The following IMMT variants were observed in gnomAD, a reference collection of about 807,000 sequenced individuals.
IMMT encodes inner membrane mitochondrial protein.
IMMT carries 40 observed loss-of-function variants against 92.7 expected under a neutral mutation model. The ratio of observed to expected loss-of-function variants is 0.43; its 90% confidence interval spans 0.34 to 0.56. The LOEUF (loss-of-function observed/expected upper bound fraction) is 0.56, where lower values mean the gene tolerates loss of function less well. Among genes scored for constraint, IMMT ranks in the 20% least tolerant of loss-of-function variants. The pLI is 0.03. For missense variants in IMMT, 831 were observed against 912.1 expected, an observed-to-expected ratio of 0.91 and a Z score of 1.14; for synonymous variants, 322 against 336.1, an observed-to-expected ratio of 0.96 and a Z score of 0.46.
intron 10 of IMMT, among the ~76,000 whole-genome samples, chr2:86,156,547 T>C (rs1053635385): frequency 1.6e-4 from 24 of 147,160 alleles, no homozygotes; most frequent in Non-Finnish European, 3.3e-4. Context: ...TGAGCCAAGA[T>C]TGCACCACTG....
At chr2:86,168,457 T>C (rs1676870263) in intron 6 of IMMT, among the ~76,000 whole-genome samples, 1 of 152,108 alleles carries the variant, frequency 6.6e-6, no homozygotes. Flanking sequence ...ACCCCGTCTC[T>C]ACTAAAAATA....
chr2:86,147,666 AAG>A, intron 13 of IMMT, 34 bp downstream of exon 13: 1 of 1,592,634 alleles, frequency 6.3e-7, no homozygotes, highest in Non-Finnish European at 8.6e-7. Context: ...TCCTGTCAGG[AAG>A]AGGGGTGTGG....
intron 6 of IMMT, among the ~76,000 whole-genome samples, chr2:86,169,615 C>A (rs535088693): frequency 6.6e-6 from 1 of 152,162 alleles, no homozygotes; most frequent in African/African-American, 2.4e-5. Context: ...GAGACATCAA[C>A]ATATTATAGC....
chr2:86,162,494 T>C (rs1238930860), intron 7 of IMMT, among the ~76,000 whole-genome samples: 1 of 151,988 alleles, frequency 6.6e-6, no homozygotes, highest in African/African-American at 2.4e-5. Flanking sequence ...ATAAGTCAAC[T>C]ATTGTCAAAA....
At chr2:86,170,684 T>C (rs775990393) in intron 6 of IMMT, 65 bp downstream of exon 6, 10 of 1,049,520 alleles carry the variant, frequency 9.5e-6, no homozygotes, top group South Asian at 2.8e-5. Context: ...CTTGTGCTGA[T>C]AGTTTAAGAA....
chr2:86,168,386 G>A (rs1328654006), intron 6 of IMMT, among the ~76,000 whole-genome samples: 1 of 152,180 alleles, frequency 6.6e-6, no homozygotes, highest in Non-Finnish European at 1.5e-5. Context: ...ACTTTGGGAG[G>A]CCGAGGCAGG....
chr2:86,165,178 C>T (rs1209362898), intron 7 of IMMT, among the ~76,000 whole-genome samples: 1 of 152,210 alleles, frequency 6.6e-6, no homozygotes, highest in Non-Finnish European at 1.5e-5. Flanking sequence ...TGAAATACCA[C>T]CTTGTGTACC....
At chr2:86,144,934 A>G in intron 14 of IMMT, 53 bp from the exon 15 acceptor site, 3 of 1,534,590 alleles carry the variant, frequency 2.0e-6, no homozygotes, top group Admixed American at 2.0e-5. Context: ...CTGACAACAT[A>G]CATCCACAGA....
intron 4 of IMMT, 21 bp from the exon 5 acceptor site, chr2:86,171,366 T>C (rs1175264443): frequency 8.1e-6 from 13 of 1,602,586 alleles, no homozygotes; most frequent in Non-Finnish European, 1.1e-5. Flanking sequence ...ATGTTACTCA[T>C]GGTATTTATA....
In IMMT at chr2:86,174,155, G is replaced by T. The variant is rs542012476; in HGVS notation, c.310-394C>A. ...AGTTAGAAGCAAATGATTATTAAAGGCTCTGAGTGAAAATACAAATGAATT... is the reference window on the plus strand; with the variant it reads ...AGTTAGAAGCAAATGATTATTAAAGTCTCTGAGTGAAAATACAAATGAATT... On this transcript the variant is annotated intron_variant, in intron 3 of 14. Coordinates refer to ENST00000410111, the MANE Select transcript of IMMT (RefSeq NM_006839.3). Among the ~76,000 whole-genome samples the T allele has an allele frequency of 1.5e-3, 232 of 152,248 alleles. 2 individuals carry two copies. Among genetic ancestry groups the T allele is most frequent in the African/African-American group, 5.4e-3 (224 of 41,544 alleles).
At position 86,144,184 on chromosome 2, in the gene IMMT, C is replaced by G; in HGVS notation, c.*84G>C. ...AAACCTGCTCATTTCTAGACAAGTCCGGGACTCTCGCTGCGAACCCTTCAT... is the reference window on the plus strand; with the variant it reads ...AAACCTGCTCATTTCTAGACAAGTCGGGGACTCTCGCTGCGAACCCTTCAT... On this transcript the variant is annotated 3_prime_UTR_variant, in exon 15 of 15. Transcript: ENST00000410111. 6.8e-7 allele frequency: 1 copy of G among 1,466,612 alleles called. No individual in the cohort carries two copies. Among genetic ancestry groups the G allele is most frequent in the East Asian group, 2.3e-5 (1 of 43,724 alleles). The allele number at this position is 1,466,612 out of a possible 1,614,324, so 90.8% of individuals were successfully genotyped here. A position where few individuals can be genotyped will look rare whatever the true frequency, so the allele number is the denominator to read the frequency against.
In IMMT at chr2:86,195,408, G is replaced by C; in HGVS notation, c.-26C>G. 3 of 1,545,404 alleles carry C rather than the reference G, an allele frequency of 1.9e-6. No homozygotes were observed. The highest frequency in any genetic ancestry group is 1.7e-6 in the Non-Finnish European group (2 of 1,144,624). On this transcript the variant is annotated 5_prime_UTR_variant, in exon 1 of 15. Coordinates refer to ENST00000410111, the MANE Select transcript of IMMT (RefSeq NM_006839.3). ...CTCGGTCAAGCGGACGGCGCTGCTG[G>C]TGGACTCGAGCTGCCGCGGCGGCGC...
At chr2:86,195,143 G>A (rs1377648825) in intron 1 of IMMT, 195 bp downstream of exon 1, 4 of 525,124 alleles carry the variant, frequency 7.6e-6, no homozygotes, top group African/African-American at 2.0e-5. Context: ...CCCCGCTGCT[G>A]CAATAACCTC....
At chr2:86,181,813 A>G (rs1395711952) in intron 1 of IMMT, among the ~76,000 whole-genome samples, 1 of 152,240 alleles carries the variant, frequency 6.6e-6, no homozygotes, top group African/African-American at 2.4e-5. Flanking sequence ...GACAGATCTA[A>G]CCTCAGCTAA....
intron 10 of IMMT, among the ~76,000 whole-genome samples, chr2:86,155,540 A>G (rs1053146204): frequency 6.6e-6 from 1 of 152,230 alleles, no homozygotes; most frequent in African/African-American, 2.4e-5. Flanking sequence ...TGAAGCACTT[A>G]GAACTCAGTG....
At position 86,195,402 on chromosome 2, in the gene IMMT, C is replaced by G. The variant is rs879128849; in HGVS notation, c.-20G>C. ...CAGCATCTCGGTCAAGCGGACGGCGCTGCTGGTGGACTCGAGCTGCCGCGG... is the reference window on the plus strand; with the variant it reads ...CAGCATCTCGGTCAAGCGGACGGCGGTGCTGGTGGACTCGAGCTGCCGCGG... On this transcript the variant is annotated 5_prime_UTR_variant, in exon 1 of 15. Transcript: ENST00000410111. 1 of 1,546,540 alleles carries G rather than the reference C, an allele frequency of 6.5e-7. No homozygotes were observed. The highest frequency in any genetic ancestry group is 8.7e-7 in the Non-Finnish European group (1 of 1,145,118).
chr2:86,167,776 C>G (rs915592213), intron 6 of IMMT, among the ~76,000 whole-genome samples: 1 of 152,172 alleles, frequency 6.6e-6, no homozygotes, highest in African/African-American at 2.4e-5. Flanking sequence ...GCCACCGTGC[C>G]CAGCCTACTT....
chr2:86,195,319 C>A lies in IMMT; in HGVS notation c.45+19G>T. The A allele has an allele frequency of 1.3e-6, 2 of 1,535,976 alleles. No individual in the cohort carries two copies. The highest frequency in any genetic ancestry group is 8.8e-7 in the Non-Finnish European group (1 of 1,139,354). On this transcript the variant is annotated intron_variant, in intron 1 of 14. Transcript: ENST00000410111. The stretch of plus-strand genomic sequence containing the variant: ...CTAGTTCAGCCTCCTCACGCGCCTC[C>A]GGGAGCCCCAGTGCTCACCTGGGCG...
At position 86,144,303 on chromosome 2, in the gene IMMT, C is replaced by T. The variant is rs183939253; in HGVS notation, c.2242G>A (p.Val748Ile). The part of the protein sequence containing the change: ...VEILTAYASA[V>I]GIGTTQVQPE The stretch of plus-strand genomic sequence containing the variant: ...TGCACCTGAGTGGTTCCTATTCCTA[C>T]GGCGCTGGCATATGCTGTCAGGATT... The change falls in exon 15 of 15, where the codon GTA (valine) becomes ATA (isoleucine). Residue 748 changes from valine to isoleucine, a missense_variant. Val to Ile is a conservative substitution (Grantham distance 29). Coordinates refer to ENST00000410111, the MANE Select transcript of IMMT (RefSeq NM_006839.3). The T allele has an allele frequency of 1.1e-4, 177 of 1,613,820 alleles. 1 individual carries two copies. The highest frequency in any genetic ancestry group is 1.6e-4 in the Middle Eastern group (1 of 6,084).
Sources: allele counts gnomAD v4.1 joint callset (sites outside exome capture counted in the v4.1 genomes callset), GRCh38; gene constraint gnomAD v4.1.1; transcripts MANE v1.5; gene names NCBI Gene and HGNC (gene_info 2026-07-23, HGNC 2026-07-21).